GSTA2: variants seen among roughly 807,000 people sequenced by gnomAD.
GSTA2 encodes the protein glutathione S-transferase alpha 2.
In GSTA2, 27 loss-of-function variants were observed where a neutral mutation model predicts 22.4. The observed-to-expected ratio is 1.21, with a 90% confidence interval of 0.89 to 1.67. The LOEUF (loss-of-function observed/expected upper bound fraction) is 1.67. Among genes scored for constraint, GSTA2 ranks in the 40% most tolerant of loss-of-function variants. GSTA2 has a pLI of 0.00. For synonymous variants in GSTA2, 121 were observed against 86.8 expected (o/e 1.39, Z -2.19); for missense variants, 302 against 260.2 (o/e 1.16, Z -1.11).
chr6:52,759,579 T>TTTG lies in GSTA2; in HGVS notation c.-30-1603_-30-1602insCAA, dbSNP rs1561897448. ...TATTTATTTGTTTTTTTTTTTTTTT[T>TTTG]TTTTTTTTTTTTTTTTTTTTTTGAG... On this transcript the variant is annotated intron_variant, in intron 1 of 6. Transcript: ENST00000493422. Among the ~76,000 whole-genome samples, 25 of 119,940 alleles carry TTTG rather than the reference T, an allele frequency of 2.1e-4. 1 individual carries two copies. The highest frequency in any genetic ancestry group is 8.5e-4 in the African/African-American group (25 of 29,306). 78.7% of individuals were successfully genotyped at this position (119,940 alleles called of 152,430 possible).
Position 52,753,785 on chromosome 6 carries a change from G to T in GSTA2, c.273-790C>A, listed in dbSNP as rs370377738. Among the ~76,000 whole-genome samples the T allele has an allele frequency of 5.3e-5, 8 of 152,282 alleles. No individual in the cohort carries two copies. In the East Asian group the frequency reaches 7.7e-4, roughly 15 times the overall value. The stretch of plus-strand genomic sequence containing the variant: ...TTGAGTGGTTTTCAGTGCATTCACA[G>T]AATTCTGTAAAAATAATCACAGTCT... On this transcript the variant is annotated intron_variant, in intron 4 of 6. Coordinates refer to ENST00000493422, the MANE Select transcript of GSTA2 (RefSeq NM_000846.5).
In GSTA2 at chr6:52,756,323, C is replaced by A; in HGVS notation, c.88-14G>T. 6.3e-7 allele frequency: 1 copy of A among 1,587,236 alleles called. No individual in the cohort carries two copies. The highest frequency in any genetic ancestry group is 8.6e-7 in the Non-Finnish European group (1 of 1,156,082). ...TTTCTCTTCAAACTGGAAGCAGAAA[C>A]AGTAAATATGTTCTTGTTAGTTCAT... On this transcript the variant is annotated splice_polypyrimidine_tract_variant and intron_variant, in intron 2 of 6. Coordinates refer to ENST00000493422, the MANE Select transcript of GSTA2 (RefSeq NM_000846.5).
At position 52,751,615 on chromosome 6, in the gene GSTA2, G is replaced by C. The variant is rs1166392596; in HGVS notation, c.508C>G (p.Leu170Val). 5 of 1,614,020 alleles carry C rather than the reference G, an allele frequency of 3.1e-6. No individual in the cohort carries two copies. The Admixed American group carries it at 6.7e-5, about 22-fold the overall frequency. ...LVELLYYVEE[L>V]DSSLISSFPL... is the part of the protein sequence containing the mutation. The stretch of plus-strand genomic sequence containing the variant: ...AAGCTGGAAATAAGGCTAGAGTCAA[G>C]CTCTTCCACGTAGTAGAGAAGTTCC... Residue 170 changes from leucine (L) to valine (V), a missense_variant, in exon 6 of 7, where the codon CTT becomes GTT. Leu to Val is a conservative substitution (Grantham distance 32). Transcript: ENST00000493422.
chr6:52,754,840 C>A, intron 4 of GSTA2, 103 bp downstream of exon 4: 2 of 1,504,304 alleles, frequency 1.3e-6, no homozygotes, highest in Non-Finnish European at 1.8e-6. Context: ...CAAGGCCCAG[C>A]CTGCTGCTGG....
Position 52,752,929 on chromosome 6 carries a change from T to C in GSTA2, c.339A>G (p.Gln113=). 1.2e-6 allele frequency: 2 copies of C among 1,614,000 alleles called. No homozygotes were observed. Among genetic ancestry groups the C allele is most frequent in the Non-Finnish European group, 8.5e-7 (1 of 1,179,894 alleles). The part of the protein sequence containing the change: ...GEMILLLPFS[Q]PEEQDAKLAL... The stretch of plus-strand genomic sequence containing the variant: ...CAAGCTTGGCATCTTGTTCCTCAGG[T>C]TGACTAAAGGGCAGAAGAAGGATCA... The change falls in exon 5 of 7, where the codon CAA becomes CAG. Residue 113 remains glutamine, a synonymous_variant. Coordinates refer to ENST00000493422, the MANE Select transcript of GSTA2 (RefSeq NM_000846.5).
chr6:52,756,989 C>T (rs915677622), intron 2 of GSTA2, among the ~76,000 whole-genome samples: 3 of 142,970 alleles, frequency 2.1e-5, no homozygotes, highest in African/African-American at 7.9e-5. Flanking sequence ...GTTCTAGAAG[C>T]CTCCTCCCCT....
At chr6:52,757,095 C>T (rs948505645) in intron 2 of GSTA2, among the ~76,000 whole-genome samples, 9 of 124,222 alleles carry the variant, frequency 7.2e-5, no homozygotes, top group Non-Finnish European at 1.3e-4. Context: ...TCTCCATGAC[C>T]GAGTACAGAA....
Position 52,750,674 on chromosome 6 carries a change from A to G in GSTA2, c.572T>C (p.Leu191Pro). 6.2e-7 allele frequency: 1 copy of G among 1,613,084 alleles called. No homozygotes were observed. Among genetic ancestry groups the G allele is most frequent in the Non-Finnish European group, 8.5e-7 (1 of 1,179,812 alleles). ...CTGTAGAAACTTCTTCACTGTGGGC[A>G]GGTTACTGATTCTGGTTTTCAGGGC... ...LKALKTRISN[L>P]PTVKKFLQPG... is the part of the protein sequence containing the mutation. Residue 191 changes from leucine to proline, a missense_variant, in exon 7 of 7, where the codon CTG becomes CCG. Leu to Pro is a moderately conservative substitution (Grantham distance 98). Transcript: ENST00000493422.
chr6:52,755,040 C>A lies in GSTA2; in HGVS notation c.175G>T (p.Glu59Ter). The part of the protein sequence containing the change: ...YLMFQQVPMV[E>*]IDGMKLVQTR... ...TGCACCAGCTTCATCCCATCAATCTCAACCATTGGCACTTGCTGGAACATC... is the reference window on the plus strand; with the variant it reads ...TGCACCAGCTTCATCCCATCAATCTAAACCATTGGCACTTGCTGGAACATC... The change falls in exon 4 of 7, where the codon GAG (glutamate) becomes TAG (stop). Residue 59 changes from glutamate to a stop codon, truncating the protein, a stop_gained. Transcript: ENST00000493422. LOFTEE classifies it high-confidence loss of function. The A allele has an allele frequency of 6.2e-7, 1 of 1,613,974 alleles. No individual in the cohort carries two copies. The highest frequency in any genetic ancestry group is 8.5e-7 in the Non-Finnish European group (1 of 1,180,012).
intron 1 of GSTA2, among the ~76,000 whole-genome samples, chr6:52,759,581 T>G (rs1484342571): frequency 2.1e-4 from 26 of 121,580 alleles, no homozygotes; most frequent in African/African-American, 7.1e-4. Context: ...TTTTTTTTTT[T>G]TTTTTTTTTT....
intron 5 of GSTA2, 141 bp from the exon 6 acceptor site, chr6:52,751,849 A>G: frequency 8.3e-7 from 1 of 1,199,204 alleles, no homozygotes; most frequent in East Asian, 2.4e-5. Flanking sequence ...CTTTCTCCAC[A>G]TTATCTGAAT....
intron 3 of GSTA2, among the ~76,000 whole-genome samples, chr6:52,755,363 AC>A (rs894965367): frequency 6.6e-6 from 1 of 151,908 alleles, no homozygotes; most frequent in Non-Finnish European, 1.5e-5. Context: ...ACAGGCATGC[AC>A]CACTGCACAT....
In GSTA2 at chr6:52,750,714, G is replaced by A. The variant is rs945054753; in HGVS notation, c.547-15C>T. On this transcript the variant is annotated splice_polypyrimidine_tract_variant and intron_variant, in intron 6 of 6. Transcript: ENST00000493422. ...GTTTTCAGGGCCTGTAATCCACAAA[G>A]CACAGCCTCACTAAAACAACAAGTC... is the stretch of plus-strand genomic sequence containing the variant. 3 of 1,611,284 alleles carry A rather than the reference G, an allele frequency of 1.9e-6. No individual in the cohort carries two copies. The African/African-American group carries it at 4.0e-5, about 22-fold the overall frequency.
chr6:52,757,749 TTTTA>T (rs1413467123), intron 2 of GSTA2, 108 bp downstream of exon 2: 1 of 954,902 alleles, frequency 1.0e-6, no homozygotes, highest in Non-Finnish European at 1.7e-6. Flanking sequence ...TACAGTCCCT[TTTTA>T]TTTAAGGCAC....
chr6:52,754,142 G>T (rs1202478958), intron 4 of GSTA2, among the ~76,000 whole-genome samples: 1 of 152,100 alleles, frequency 6.6e-6, no homozygotes, highest in Non-Finnish European at 1.5e-5. Flanking sequence ...TATTTGGGTT[G>T]TTTCCACTTT....
chr6:52,756,470 C>T (rs1447215649), intron 2 of GSTA2, among the ~76,000 whole-genome samples, 161 bp from the exon 3 acceptor site: 2 of 152,156 alleles, frequency 1.3e-5, no homozygotes, highest in Non-Finnish European at 2.9e-5. Context: ...AAATTTAGAC[C>T]TAATTCATTG....
In GSTA2 at chr6:52,752,992, A is replaced by G; in HGVS notation, c.276T>C (p.Ile92=). 1 of 1,590,014 alleles carries G rather than the reference A, an allele frequency of 6.3e-7. No individual in the cohort carries two copies. The highest frequency in any genetic ancestry group is 1.2e-5 in the South Asian group (1 of 86,624). Residue 92 remains isoleucine (I), a synonymous_variant, in exon 5 of 7, where the codon ATT becomes ATC. Coordinates refer to ENST00000493422, the MANE Select transcript of GSTA2 (RefSeq NM_000846.5). ...YGKDIKEKAL[I]DMYIEGIADL... is the part of the protein sequence containing the mutation. Reference sequence around the variant, plus strand: ...CTGCTATACCTTCTATATACATATCAATCCTGAAAGACAAAAACAACCAAA... The same window carrying G: ...CTGCTATACCTTCTATATACATATCGATCCTGAAAGACAAAAACAACCAAA...
intron 4 of GSTA2, among the ~76,000 whole-genome samples, chr6:52,754,427 G>C (rs1211483436): frequency 6.6e-6 from 1 of 152,178 alleles, no homozygotes; most frequent in East Asian, 1.9e-4. Flanking sequence ...GGTAACTCCA[G>C]TATCCTTGGT....
At chr6:52,755,201 T>A in intron 3 of GSTA2, 126 bp from the exon 4 acceptor site, 2 of 1,275,876 alleles carry the variant, frequency 1.6e-6, no homozygotes, top group Non-Finnish European at 1.1e-6. Flanking sequence ...CTGGTAAGAG[T>A]TCACTTGAAA....
Sources: allele counts gnomAD v4.1 joint callset (sites outside exome capture counted in the v4.1 genomes callset), GRCh38; gene constraint gnomAD v4.1.1; transcripts MANE v1.5; gene names NCBI Gene and HGNC (gene_info 2026-07-23, HGNC 2026-07-21).